FAM193A: variants seen among roughly 807,000 people sequenced by gnomAD.
FAM193A encodes the protein protein FAM193A.
A neutral mutation model predicts 126.5 loss-of-function variants in FAM193A; 22 were observed. The ratio of observed to expected loss-of-function variants is 0.17; its 90% CI spans 0.12 to 0.25. The LOEUF is 0.25. FAM193A is among the 10% of genes least tolerant of loss of function. FAM193A has a pLI of 1.00. For missense variants in FAM193A, 1,675 were observed against 1,672.8 expected (o/e 1.00, Z -0.02); for synonymous variants, 761 against 646.8 (o/e 1.18, Z -2.68).
In FAM193A at chr4:2,626,565, A is replaced by G; in HGVS notation, c.791A>G (p.Glu264Gly). 4.3e-6 allele frequency: 3 copies of G among 700,854 alleles called. No individual in the cohort carries two copies. Among genetic ancestry groups the G allele is most frequent in the Non-Finnish European group, 7.8e-6 (3 of 384,152 alleles). The allele number at this position is 700,854 out of a possible 1,614,324, so 43.4% of individuals were successfully genotyped here. A position where few individuals can be genotyped will look rare whatever the true frequency, so the allele number is the denominator to read the frequency against. The change falls in exon 4 of 21, where the codon GAG becomes GGG. Residue 264 changes from glutamate to glycine, a missense_variant. By Grantham distance (98) the Glu-to-Gly change is moderately conservative. Coordinates refer to ENST00000637812, the MANE Select transcript of FAM193A (RefSeq NM_001366318.2). ...GTGCCTGACAAGGAGGGAGTGAAGG[A>G]GCTCGTGGATAGGTACATACTGCCC... Reference protein sequence around the residue: ...SLVPDKEGVKELVDRLCERDP... With the variant: ...SLVPDKEGVKGLVDRLCERDP...
At chr4:2,723,179 C>A (rs532994485) in intron 20 of FAM193A, among the ~76,000 whole-genome samples, 64 of 152,268 alleles carry the variant, frequency 4.2e-4, no homozygotes, top group Admixed American at 3.9e-4. Context: ...GAGGCTGAGG[C>A]AGGAGAATGG....
At chr4:2,655,283 A>G (rs1421712689) in intron 7 of FAM193A, among the ~76,000 whole-genome samples, 3 of 152,198 alleles carry the variant, frequency 2.0e-5, no homozygotes, top group Non-Finnish European at 2.9e-5. Flanking sequence ...GATTTTTCTT[A>G]TATCAATTTC....
chr4:2,645,366 C>T (rs1042054084), intron 6 of FAM193A, among the ~76,000 whole-genome samples: 1 of 152,184 alleles, frequency 6.6e-6, no homozygotes, highest in African/African-American at 2.4e-5. Context: ...CCCCGTCCTC[C>T]TCCTGACCCC....
intron 19 of FAM193A, 110 bp downstream of exon 19, chr4:2,700,654 C>G (rs1178999965): frequency 1.5e-6 from 2 of 1,365,556 alleles, no homozygotes; most frequent in Non-Finnish European, 2.0e-6. Flanking sequence ...ATGTGGCCTC[C>G]CTCCTGTAGA....
intron 2 of FAM193A, among the ~76,000 whole-genome samples, chr4:2,616,741 T>C (rs1056167164): frequency 3.9e-5 from 6 of 152,002 alleles, no homozygotes; most frequent in African/African-American, 9.6e-5. Context: ...GTTTTTGTAT[T>C]TTTAGTAGAG....
intron 7 of FAM193A, among the ~76,000 whole-genome samples, chr4:2,652,586 C>T (rs1055690885): frequency 6.6e-6 from 1 of 152,040 alleles, no homozygotes; most frequent in Non-Finnish European, 1.5e-5. Flanking sequence ...AGGTGCTACA[C>T]ACTTTTAAAC....
At chr4:2,677,682 A>G (rs1403078218) in intron 13 of FAM193A, among the ~76,000 whole-genome samples, 1 of 150,864 alleles carries the variant, frequency 6.6e-6, no homozygotes, top group Non-Finnish European at 1.5e-5. Flanking sequence ...CGGAGATTGC[A>G]GTGAGCCAAG....
chr4:2,562,174 G>A (rs941502227), intron 1 of FAM193A, among the ~76,000 whole-genome samples: 31 of 152,102 alleles, frequency 2.0e-4, no homozygotes, highest in African/African-American at 7.5e-4. Context: ...TAGGCCAGGT[G>A]TAGTGGTTCA....
chr4:2,608,329 C>T (rs1440995617), intron 2 of FAM193A, among the ~76,000 whole-genome samples: 1 of 152,132 alleles, frequency 6.6e-6, no homozygotes, highest in Non-Finnish European at 1.5e-5. Flanking sequence ...CAGGTGCGCA[C>T]CACCATGCCT....
chr4:2,568,183 A>G (rs555942762), intron 1 of FAM193A, among the ~76,000 whole-genome samples: 2 of 152,294 alleles, frequency 1.3e-5, no homozygotes, highest in Admixed American at 1.3e-4. Flanking sequence ...ATGAGATTGG[A>G]TATTTTAAAA....
chr4:2,538,643 G>C (rs1737036493), intron 1 of FAM193A, among the ~76,000 whole-genome samples: 1 of 144,100 alleles, frequency 6.9e-6, no homozygotes. Flanking sequence ...TGGATCTTTG[G>C]GGTTTTTAAG....
At chr4:2,564,406 G>T (rs1352277682) in intron 1 of FAM193A, among the ~76,000 whole-genome samples, 1 of 152,054 alleles carries the variant, frequency 6.6e-6, no homozygotes, top group East Asian at 1.9e-4. Flanking sequence ...TTTTTGAAAG[G>T]TCTAGTGGAA....
chr4:2,627,847 G>A (rs1251474796), intron 4 of FAM193A, among the ~76,000 whole-genome samples: 30 of 151,298 alleles, frequency 2.0e-4, no homozygotes, highest in Admixed American at 1.7e-3. Context: ...GGTTCACGCC[G>A]TTCTCCTGCC....
At chr4:2,583,173 C>G (rs928361367) in intron 1 of FAM193A, among the ~76,000 whole-genome samples, 1 of 152,162 alleles carries the variant, frequency 6.6e-6, no homozygotes. Flanking sequence ...TGTCTTTGAC[C>G]ACATTGGCCA....
chr4:2,587,200 G>A (rs189572361), intron 1 of FAM193A, among the ~76,000 whole-genome samples: 3 of 152,294 alleles, frequency 2.0e-5, no homozygotes, highest in Non-Finnish European at 1.5e-5. Flanking sequence ...TCCACTTACG[G>A]CACAAGGTGA....
intron 1 of FAM193A, among the ~76,000 whole-genome samples, chr4:2,579,082 A>C (rs989330177): frequency 6.6e-6 from 1 of 151,204 alleles, no homozygotes; most frequent in African/African-American, 2.4e-5. Flanking sequence ...CTGGTCTTGA[A>C]CTCCTGGCTT....
intron 1 of FAM193A, among the ~76,000 whole-genome samples, chr4:2,547,926 C>T (rs561547119): frequency 1.3e-5 from 2 of 151,690 alleles, no homozygotes; most frequent in Admixed American, 1.3e-4. Context: ...AGCCTGGCCT[C>T]TTAATATTTT....
At chr4:2,577,423 T>TTTTTTTTTTTTTG (rs1553888658) in intron 1 of FAM193A, among the ~76,000 whole-genome samples, 2 of 86,420 alleles carry the variant, frequency 2.3e-5, no homozygotes, top group African/African-American at 1.7e-4. Context: ...TTTTTTTTTG[T>TTTTTTTTTTTTTG]TTTTTTTTTT....
At chr4:2,535,502 A>T (rs1156620842), upstream of FAM193A, among the ~76,000 whole-genome samples, 2 of 152,148 alleles carry the variant, frequency 1.3e-5, no homozygotes, top group Non-Finnish European at 2.9e-5. Context: ...AAAAAGGGGA[A>T]ATCATGTCCT....
Sources: allele counts gnomAD v4.1 joint callset (sites outside exome capture counted in the v4.1 genomes callset), GRCh38; gene constraint gnomAD v4.1.1; transcripts MANE v1.5; gene names NCBI Gene and HGNC (gene_info 2026-07-23, HGNC 2026-07-21).